DDR2: variants seen among roughly 807,000 people sequenced by gnomAD.
DDR2 encodes discoidin domain receptor tyrosine kinase 2.
A neutral mutation model predicts 94.9 loss-of-function variants in DDR2; 27 were observed. The observed-to-expected ratio is 0.28, with a 90% CI of 0.21 to 0.39. The LOEUF is 0.39. Ranked by LOEUF, DDR2 falls within the 10% of genes least tolerant of loss-of-function variation. The pLI, the probability that DDR2 is intolerant of heterozygous loss-of-function variation, is 1.00. For synonymous variants in DDR2, 382 were observed against 377.2 expected (o/e 1.01, Z -0.15); for missense variants, 783 against 1,076.0 (o/e 0.73, Z 3.81).
chr1:162,673,097 G>T (rs1188360455), intron 2 of DDR2, among the ~76,000 whole-genome samples: 1 of 152,080 alleles, frequency 6.6e-6, no homozygotes, highest in African/African-American at 2.4e-5. Flanking sequence ...TAGACATAAA[G>T]ACATTAATTT....
Position 162,753,204 on chromosome 1 carries a change from A to T in DDR2, c.185+7A>T. The T allele has an allele frequency of 6.2e-7, 1 of 1,611,972 alleles. No individual in the cohort carries two copies. Among genetic ancestry groups the T allele is most frequent in the Non-Finnish European group, 8.5e-7 (1 of 1,178,544 alleles). The stretch of plus-strand genomic sequence containing the variant: ...CAGCTGCCAAATATGGAAGGTGAGG[A>T]TGGTTACATCAAGAAAGCCCATGTT... On this transcript the variant is annotated splice_region_variant and intron_variant, in intron 4 of 17. Transcript: ENST00000367921.
At chr1:162,721,364 A>T (rs1661415328) in intron 3 of DDR2, among the ~76,000 whole-genome samples, 1 of 152,190 alleles carries the variant, frequency 6.6e-6, no homozygotes, top group East Asian at 1.9e-4. Context: ...CTGACAGGGA[A>T]AGAGAAATAG....
intron 2 of DDR2, among the ~76,000 whole-genome samples, chr1:162,706,229 C>T (rs1050946275): frequency 1.3e-5 from 2 of 152,216 alleles, no homozygotes; most frequent in African/African-American, 4.8e-5. Context: ...AGGCCATCCA[C>T]TCATCTACCC....
chr1:162,663,483 A>T (rs976341531), intron 2 of DDR2, among the ~76,000 whole-genome samples: 3 of 152,212 alleles, frequency 2.0e-5, no homozygotes, highest in African/African-American at 4.8e-5. Flanking sequence ...CCATGTAAGT[A>T]ACAAAGAACT....
At position 162,729,468 on chromosome 1, in the gene DDR2, C is replaced by T. The variant is rs562575668; in HGVS notation, c.82+10323C>T. Among the ~76,000 whole-genome samples the T allele has an allele frequency of 1.1e-4, 17 of 149,520 alleles. No homozygotes were observed. The South Asian group carries it at 3.6e-3, about 31-fold the overall frequency. ...AAAGTAGAAGTTAAGACACTAAAAT[C>T]AGTGAGGTTTTTTTATGAGCCTAAG... On this transcript the variant is annotated intron_variant, in intron 3 of 17. Coordinates refer to ENST00000367921, the MANE Select transcript of DDR2 (RefSeq NM_006182.4).
chr1:162,636,278 G>A (rs533232448), intron 1 of DDR2, among the ~76,000 whole-genome samples: 1 of 152,342 alleles, frequency 6.6e-6, no homozygotes, highest in East Asian at 1.9e-4. Flanking sequence ...TTTTGAGCCA[G>A]CCCAAGAGTT....
intron 10 of DDR2, among the ~76,000 whole-genome samples, chr1:162,766,832 G>A (rs1054963234): frequency 1.5e-4 from 23 of 152,022 alleles, no homozygotes; most frequent in African/African-American, 5.3e-4. Context: ...AGGAGTTCGA[G>A]ACCAGACTGG....
At chr1:162,698,479 C>T (rs1660288205) in intron 2 of DDR2, among the ~76,000 whole-genome samples, 1 of 152,178 alleles carries the variant, frequency 6.6e-6, no homozygotes, top group South Asian at 2.1e-4. Context: ...AATATATTTA[C>T]TACACTCTCC....
rs568667168 is a variant in DDR2 at position 162,675,223 on chromosome 1, TC to T, written c.-28+19851del. Among the ~76,000 whole-genome samples, 14 of 151,670 alleles carry T rather than the reference TC, an allele frequency of 9.2e-5. 2 individuals are homozygous for T. The South Asian group carries it at 2.7e-3, about 29-fold the overall frequency. On this transcript the variant is annotated intron_variant, in intron 2 of 17. Transcript: ENST00000367921. The stretch of plus-strand genomic sequence containing the variant: ...AGTGCTTCCTAAGAGATTCCCATGG[TC>T]CAGGGATGATGCTGGATGGTGGAGA...
At chr1:162,709,301 C>G (rs1660791091) in intron 2 of DDR2, among the ~76,000 whole-genome samples, 1 of 152,150 alleles carries the variant, frequency 6.6e-6, no homozygotes, top group African/African-American at 2.4e-5. Flanking sequence ...CAGAGACAGA[C>G]AGGGCCTAAA....
At chr1:162,776,393 C>A (rs1647554066) in intron 16 of DDR2, 23 bp downstream of exon 16, 2 of 1,611,988 alleles carry the variant, frequency 1.2e-6, no homozygotes, top group Non-Finnish European at 1.7e-6. Context: ...CATTTTAAAG[C>A]CCTGTCTAAC....
At chr1:162,674,542 G>A in intron 2 of DDR2, among the ~76,000 whole-genome samples, 1 of 152,186 alleles carries the variant, frequency 6.6e-6, no homozygotes, top group Non-Finnish European at 1.5e-5. Context: ...GGATTAACCT[G>A]CTTTCATAAG....
rs151006181 is a variant in DDR2 at position 162,776,782 on chromosome 1, T to C, written c.2283+412T>C. On this transcript the variant is annotated intron_variant, in intron 16 of 17. Coordinates refer to ENST00000367921, the MANE Select transcript of DDR2 (RefSeq NM_006182.4). Reference sequence around the variant, plus strand: ...AATTCCTATAATTGTATTTCAATACTTTTCAACATGTTCTTTTTAAGTTCA... The same window carrying C: ...AATTCCTATAATTGTATTTCAATACCTTTCAACATGTTCTTTTTAAGTTCA... 5.4e-3 allele frequency among the ~76,000 whole-genome samples: 823 copies of C among 152,338 alleles called. 7 individuals are homozygous for C. The highest frequency in any genetic ancestry group is 0.019 in the African/African-American group (791 of 41,586).
intron 7 of DDR2, among the ~76,000 whole-genome samples, chr1:162,759,138 T>C (rs1256712523): frequency 6.6e-6 from 1 of 152,216 alleles, no homozygotes; most frequent in Non-Finnish European, 1.5e-5. Flanking sequence ...TTCCTGGGTC[T>C]AGTATCCTAC....
At chr1:162,713,726 A>G (rs1239517132) in intron 2 of DDR2, among the ~76,000 whole-genome samples, 1 of 137,472 alleles carries the variant, frequency 7.3e-6, no homozygotes, top group Non-Finnish European at 1.6e-5. Context: ...GGAATATTCT[A>G]TAGTTAATAA....
intron 3 of DDR2, among the ~76,000 whole-genome samples, chr1:162,728,824 A>G (rs948183503): frequency 2.0e-5 from 3 of 152,090 alleles, no homozygotes. Context: ...ACAGACTGTG[A>G]CAATGGAGAT....
chr1:162,703,692 G>A (rs1660530147), intron 2 of DDR2, among the ~76,000 whole-genome samples: 1 of 152,210 alleles, frequency 6.6e-6, no homozygotes, highest in Non-Finnish European at 1.5e-5. Context: ...TTCAAGGGCA[G>A]GCCAAGCAGT....
Position 162,750,276 on chromosome 1 carries a change from A to G in DDR2, c.83-2819A>G, listed in dbSNP as rs1280245352. On this transcript the variant is annotated intron_variant, in intron 3 of 17. Transcript: ENST00000367921. Reference sequence around the variant, plus strand: ...CTCAGCCCCAAATCTCCTTAAGCTGATCAGCAACTTCAGCAAAGTCTCAGG... The same window carrying G: ...CTCAGCCCCAAATCTCCTTAAGCTGGTCAGCAACTTCAGCAAAGTCTCAGG... 5.9e-5 allele frequency among the ~76,000 whole-genome samples: 9 copies of G among 152,316 alleles called. No homozygotes were observed. In the East Asian group the frequency reaches 1.7e-3, roughly 29 times the overall value.
chr1:162,656,619 G>A (rs553902174), intron 2 of DDR2, among the ~76,000 whole-genome samples: 6 of 150,890 alleles, frequency 4.0e-5, no homozygotes, highest in African/African-American at 1.5e-4. Context: ...CCTTATGATA[G>A]ACTCTTGGTA....
Sources: gnomAD v4.1 joint callset for allele counts (sites outside exome capture counted in the v4.1 genomes callset) on GRCh38, gnomAD v4.1.1 for gene constraint, MANE v1.5 for transcripts, NCBI Gene and HGNC (gene_info 2026-07-23, HGNC 2026-07-21) for gene names.